LHPP: variants seen among roughly 807,000 people sequenced by gnomAD.
LHPP encodes hLHPP.
In LHPP, 24 loss-of-function variants were observed where a neutral mutation model predicts 30.3. The observed-to-expected ratio is 0.79, with a 90% CI of 0.57 to 1.11. The LOEUF is 1.11. Ranked by LOEUF, LHPP falls within the 50% of genes most tolerant of loss-of-function variation. The pLI is 0.00. For missense variants in LHPP, 356 were observed against 367.2 expected (o/e 0.97, Z 0.25); for synonymous variants, 150 against 157.1 (o/e 0.95, Z 0.34).
At chr10:124,493,689 C>G (rs1346386797) in intron 3 of LHPP, 2 of 152,116 alleles carry the variant, frequency 1.3e-5, no homozygotes, top group Non-Finnish European at 2.9e-5. Context: ...GCATCTGACT[C>G]CTCCTCCCGG....
intron 6 of LHPP, among the ~76,000 whole-genome samples, chr10:124,562,271 C>T (rs1948407962): frequency 6.6e-6 from 1 of 152,066 alleles, no homozygotes; most frequent in Non-Finnish European, 1.5e-5. Flanking sequence ...CACGCCACTG[C>T]ACTCCAGTCT....
At chr10:124,571,343 C>T (rs1776639624) in intron 6 of LHPP, among the ~76,000 whole-genome samples, 1 of 152,198 alleles carries the variant, frequency 6.6e-6, no homozygotes, top group Non-Finnish European at 1.5e-5. Flanking sequence ...GAATTCCTGG[C>T]TCATGTGGTA....
intron 6 of LHPP, among the ~76,000 whole-genome samples, chr10:124,564,312 A>G (rs1448599231): frequency 6.6e-6 from 1 of 152,016 alleles, no homozygotes; most frequent in Admixed American, 6.6e-5. Flanking sequence ...TTTAGTAGAG[A>G]CAGGGTTTCA....
intron 1 of LHPP, among the ~76,000 whole-genome samples, chr10:124,470,648 TAACAACAACAAC>T (rs10682827): frequency 3.5e-5 from 5 of 144,912 alleles, no homozygotes; most frequent in African/African-American, 1.0e-4. Flanking sequence ...GCAGCAATAG[TAACAACAACAAC>T]AACAACAACA....
At chr10:124,526,785 G>T (rs554784875) in intron 6 of LHPP, among the ~76,000 whole-genome samples, 2 of 152,230 alleles carry the variant, frequency 1.3e-5, no homozygotes, top group Non-Finnish European at 2.9e-5. Flanking sequence ...AAGTCCCATC[G>T]TTGCTGCCTT....
chr10:124,545,088 C>T (rs1001080669), intron 6 of LHPP, among the ~76,000 whole-genome samples: 1 of 152,110 alleles, frequency 6.6e-6, no homozygotes, highest in Non-Finnish European at 1.5e-5. Flanking sequence ...CTCCCTGGTG[C>T]CCCCGCCCCC....
intron 5 of LHPP, chr10:124,498,425 T>C (rs768364019): frequency 4.9e-5 from 75 of 1,530,044 alleles, no homozygotes; most frequent in Middle Eastern, 1.7e-4. Context: ...GTCCTATCAG[T>C]GTGTTAATAT....
At position 124,614,138 on chromosome 10, in the gene LHPP, A is replaced by G. The variant is rs1454717722; in HGVS notation, c.*778A>G. 6.6e-6 allele frequency: 1 copy of G among 152,372 alleles called. No individual in the cohort carries two copies. The highest frequency in any genetic ancestry group is 6.5e-5 in the Admixed American group (1 of 15,278). The allele number at this position is 152,372 out of a possible 1,614,324, so 9.4% of individuals were successfully genotyped here. On this transcript the variant is annotated 3_prime_UTR_variant, in exon 7 of 7. Transcript: ENST00000368842. ...CAGTTCAGTAAACTCTGCCTTGACC[A>G]GCAGCCTTTGACTCAGGCTTTGACT...
At chr10:124,488,379 C>T (rs1259624708) in intron 2 of LHPP, 43 bp from the exon 3 acceptor site, 3 of 1,601,720 alleles carry the variant, frequency 1.9e-6, no homozygotes, top group Non-Finnish European at 2.6e-6. Flanking sequence ...AGGCCATGTC[C>T]TCCCAGGGCT....
chr10:124,514,953 C>T (rs1450299168), intron 5 of LHPP, among the ~76,000 whole-genome samples: 1 of 152,082 alleles, frequency 6.6e-6, no homozygotes, highest in Non-Finnish European at 1.5e-5. Flanking sequence ...AGGCGTGCGC[C>T]ACCACATCTG....
At chr10:124,599,224 C>G (rs186531733) in intron 6 of LHPP, among the ~76,000 whole-genome samples, 199 of 152,254 alleles carry the variant, frequency 1.3e-3, no homozygotes, top group South Asian at 2.7e-3. Context: ...GCCATCCATC[C>G]TCCTGTCCAT....
chr10:124,516,890 T>G (rs769464740), intron 5 of LHPP, among the ~76,000 whole-genome samples: 10 of 152,144 alleles, frequency 6.6e-5, no homozygotes, highest in Non-Finnish European at 1.5e-4. Flanking sequence ...CAGACAGCGT[T>G]CAGCATCCCC....
chr10:124,606,400 C>G (rs1421827974), intron 6 of LHPP, among the ~76,000 whole-genome samples: 6 of 152,212 alleles, frequency 3.9e-5, no homozygotes, highest in Admixed American at 3.3e-4. Flanking sequence ...CCCTCAGACT[C>G]CAGGCCCTTT....
intron 6 of LHPP, among the ~76,000 whole-genome samples, chr10:124,568,408 G>T (rs1424109549): frequency 6.6e-6 from 1 of 152,072 alleles, no homozygotes; most frequent in African/African-American, 2.4e-5. Flanking sequence ...ACCATTCCCC[G>T]GCCTCTGCCC....
intron 5 of LHPP, among the ~76,000 whole-genome samples, chr10:124,513,943 C>T (rs1019179838): frequency 2.0e-5 from 3 of 152,276 alleles, no homozygotes; most frequent in South Asian, 2.1e-4. Flanking sequence ...GTCTTGTTTG[C>T]GCCTCATAAG....
In LHPP at chr10:124,462,096, C is replaced by G. The variant is rs977295747; in HGVS notation, c.125+109C>G. 1.2e-5 allele frequency: 12 copies of G among 1,013,646 alleles called. No individual in the cohort carries two copies. The African/African-American group carries it at 1.9e-4, about 16-fold the overall frequency. 62.8% of individuals were successfully genotyped at this position (1,013,646 alleles called of 1,614,324 possible). A position where few individuals can be genotyped will look rare whatever the true frequency, so the allele number is the denominator to read the frequency against. On this transcript the variant is annotated intron_variant, in intron 1 of 6. Transcript: ENST00000368842. ...AGGGGGCGGGGCCGCGGCGCAGGCC[C>G]CGCCTCGGTCTCCCCCTTCCCACCC...
At chr10:124,605,834 G>GA (rs397736969) in intron 6 of LHPP, among the ~76,000 whole-genome samples, 2 of 6,114 alleles carry the variant, frequency 3.3e-4, no homozygotes, top group African/African-American at 1.4e-3. Context: ...GCAGGAGGGA[G>GA]AGCCAGTGGA....
chr10:124,587,798 AG>A (rs1948825619), intron 6 of LHPP, among the ~76,000 whole-genome samples: 1 of 151,278 alleles, frequency 6.6e-6, no homozygotes, highest in African/African-American at 2.4e-5. Flanking sequence ...TAAAAGAAAA[AG>A]GCTAAGAAAT....
chr10:124,547,037 A>ACG (rs1564823238), intron 6 of LHPP, among the ~76,000 whole-genome samples: 7 of 13,150 alleles, frequency 5.3e-4, no homozygotes, highest in African/African-American at 6.5e-4. Context: ...ACACACGCAC[A>ACG]CGCGCGCACA....
Sources: allele counts gnomAD v4.1 joint callset (sites outside exome capture counted in the v4.1 genomes callset), GRCh38; gene constraint gnomAD v4.1.1; transcripts MANE v1.5; gene names NCBI Gene and HGNC (gene_info 2026-07-23, HGNC 2026-07-21).